Variants in PCDHA7 observed in about 807,000 individuals in gnomAD.
PCDHA7 encodes protocadherin alpha 7.
PCDHA7 carries 37 observed loss-of-function variants against 57.2 expected under a neutral mutation model. That is an observed-to-expected ratio of 0.65 (90% confidence interval 0.50 to 0.85). The LOEUF (loss-of-function observed/expected upper bound fraction) is 0.85, where lower values mean the gene tolerates loss of function less well. PCDHA7 is among the 40% of genes least tolerant of loss of function. The probability of loss-of-function intolerance (pLI) is 0.00; values close to 1 mark genes in which losing one functional copy is unlikely to be tolerated. For synonymous variants in PCDHA7, 553 were observed against 558.8 expected, an observed-to-expected ratio of 0.99 and a Z score of 0.15; for missense variants, 1,188 against 1,241.8, an observed-to-expected ratio of 0.96 and a Z score of 0.65.
At chr5:140,914,263 G>T (rs950921953) in intron 1 of PCDHA7, among the ~76,000 whole-genome samples, 2 of 151,932 alleles carry the variant, frequency 1.3e-5, no homozygotes, top group South Asian at 2.1e-4. Flanking sequence ...TTCAATGGTG[G>T]GTGCATATAT....
chr5:140,876,596 C>T (rs1361945795), intron 1 of PCDHA7: 1 of 1,614,040 alleles, frequency 6.2e-7, no homozygotes, highest in East Asian at 2.2e-5. Flanking sequence ...ATTAGCGTGT[C>T]GGATCGTGAC....
At chr5:140,877,304 T>C in intron 1 of PCDHA7, 3 of 1,613,926 alleles carry the variant, frequency 1.9e-6, no homozygotes, top group Non-Finnish European at 2.5e-6. Context: ...TCCTACGAGT[T>C]GCAACCGGCG....
At chr5:140,853,805 C>A in intron 1 of PCDHA7, 1 of 986,730 alleles carries the variant, frequency 1.0e-6, no homozygotes, top group Non-Finnish European at 1.2e-6. Flanking sequence ...TTTTAAAGCA[C>A]ACCTGAGATG....
intron 1 of PCDHA7, among the ~76,000 whole-genome samples, chr5:140,972,920 C>T (rs1343772789): frequency 6.6e-6 from 1 of 152,048 alleles, no homozygotes; most frequent in East Asian, 1.9e-4. Context: ...CCTTGGCCTC[C>T]CAAAGTGCTG....
chr5:140,876,802 G>C, intron 1 of PCDHA7: 2 of 1,614,248 alleles, frequency 1.2e-6, no homozygotes. Context: ...AGTGTCCGTG[G>C]AGGTGGCCGA....
At chr5:140,993,958 G>A (rs782075870) in intron 3 of PCDHA7, among the ~76,000 whole-genome samples, 1 of 152,162 alleles carries the variant, frequency 6.6e-6, no homozygotes, top group Non-Finnish European at 1.5e-5. Context: ...ATACATGACT[G>A]TAGTCATCAT....
chr5:140,973,755 G>A (rs1442337323), intron 1 of PCDHA7, among the ~76,000 whole-genome samples: 1 of 152,234 alleles, frequency 6.6e-6, no homozygotes, highest in Admixed American at 6.5e-5. Flanking sequence ...ACTCTGCAGG[G>A]ACACAGCCTG....
chr5:140,969,542 C>T, intron 1 of PCDHA7: 1 of 1,279,490 alleles, frequency 7.8e-7, no homozygotes, highest in South Asian at 1.6e-5. Flanking sequence ...TTTTCAGAGG[C>T]ATGAAGCCTT....
rs78042832 is a variant in PCDHA7, at chr5:140,978,370, A to G, written c.2356-579A>G. Among the ~76,000 whole-genome samples, 198 of 152,318 alleles carry G rather than the reference A, an allele frequency of 1.3e-3. 1 individual carries two copies. The East Asian group carries it at 0.027, about 21-fold the overall frequency. On this transcript the variant is annotated intron_variant, in intron 1 of 3. Transcript: ENST00000525929. ...TAGCAAAACAAGGTCAAACTCTGCA[A>G]TAGTTTGTTTTCCTCTCCCTAGTAT...
At chr5:140,998,522 A>G (rs2097818629) in intron 3 of PCDHA7, among the ~76,000 whole-genome samples, 1 of 151,980 alleles carries the variant, frequency 6.6e-6, no homozygotes, top group South Asian at 2.1e-4. Context: ...TATTATTCAT[A>G]TTTATATCCC....
chr5:140,875,783 T>C (rs782000038), intron 1 of PCDHA7: 4 of 1,614,050 alleles, frequency 2.5e-6, no homozygotes, highest in Non-Finnish European at 3.4e-6. Flanking sequence ...GAGTGCAGTA[T>C]CCACCTGGAG....
At chr5:140,891,136 G>A (rs541876133) in intron 1 of PCDHA7, among the ~76,000 whole-genome samples, 1 of 152,068 alleles carries the variant, frequency 6.6e-6, no homozygotes, top group Non-Finnish European at 1.5e-5. Context: ...TTCCTTTAAA[G>A]GTATTCTGTT....
rs2150242768 is a variant in PCDHA7, at chr5:140,835,709, C to T, written c.1326C>T (p.Ser442=). 29 of 1,613,350 alleles carry T rather than the reference C, an allele frequency of 1.8e-5. No individual in the cohort carries two copies. The highest frequency in any genetic ancestry group is 3.3e-4 in the Middle Eastern group (2 of 6,048). The change falls in exon 1 of 4, where the codon TCC becomes TCT. Residue 442 remains serine (S), a synonymous_variant. Coordinates refer to ENST00000525929, the MANE Select transcript of PCDHA7 (RefSeq NM_018910.3). ...CTCTGTGGGCCACTGCTAGCGTGTC[C>T]GTGGAGGTGGCCGACGTGAACGACA... ...SPSLWATASV[S]VEVADVNDNA...
At chr5:140,858,605 T>C (rs553423419) in intron 1 of PCDHA7, 1 of 1,265,752 alleles carries the variant, frequency 7.9e-7, no homozygotes, top group South Asian at 1.5e-5. Flanking sequence ...AGTTTTAAAA[T>C]TTTTTTATCC....
chr5:140,909,684 G>A (rs2074634664), intron 1 of PCDHA7, among the ~76,000 whole-genome samples: 1 of 152,220 alleles, frequency 6.6e-6, no homozygotes, highest in Non-Finnish European at 1.5e-5. Context: ...GGGAGCCAAT[G>A]TGGGGGTTCT....
Position 140,848,921 on chromosome 5 carries a change from C to T in PCDHA7, c.2355+12183C>T. ...CAGCGACACAAAAGAATCTGTTCAT[C>T]GCGGAATCCAGGCCGCTTGACTCTC... On this transcript the variant is annotated intron_variant, in intron 1 of 3. Transcript: ENST00000525929. 3.7e-6 allele frequency: 6 copies of T among 1,607,754 alleles called. 1 individual carries two copies. Among genetic ancestry groups the T allele is most frequent in the Non-Finnish European group, 2.5e-6 (3 of 1,176,916 alleles).
chr5:141,010,353 G>T lies in PCDHA7; in HGVS notation c.*416G>T. On this transcript the variant is annotated 3_prime_UTR_variant, in exon 4 of 4. Transcript: ENST00000525929. Reference sequence around the variant, plus strand: ...AGTTTGTGGCCACTGGGTATGTGTGGCTACCGCGGGTATGCGAGTGCCAGA... The same window carrying T: ...AGTTTGTGGCCACTGGGTATGTGTGTCTACCGCGGGTATGCGAGTGCCAGA... The T allele has an allele frequency of 6.6e-7, 1 of 1,507,486 alleles. No homozygotes were observed. Among genetic ancestry groups the T allele is most frequent in the Non-Finnish European group, 8.9e-7 (1 of 1,128,244 alleles). 93.4% of individuals were successfully genotyped at this position (1,507,486 alleles called of 1,614,324 possible).
At position 140,858,269 on chromosome 5, in the gene PCDHA7, A is replaced by T. The variant is rs367651349; in HGVS notation, c.2355+21531A>T. 8.2e-4 allele frequency: 1,313 copies of T among 1,596,554 alleles called. 103 individuals carry two copies. Among genetic ancestry groups the T allele is most frequent in the Non-Finnish European group, 9.6e-4 (1,118 of 1,166,912 alleles). On this transcript the variant is annotated intron_variant, in intron 1 of 3. Transcript: ENST00000525929. Reference sequence around the variant, plus strand: ...GGTGAAGCCCACGCTGGTGTGCTCTAGCGCGGTGGGGAGCTGGTCTTACTC... The same window carrying T: ...GGTGAAGCCCACGCTGGTGTGCTCTTGCGCGGTGGGGAGCTGGTCTTACTC...
chr5:140,858,354 C>A lies in PCDHA7; in HGVS notation c.2355+21616C>A, dbSNP rs782580844. On this transcript the variant is annotated intron_variant, in intron 1 of 3. Coordinates refer to ENST00000525929, the MANE Select transcript of PCDHA7 (RefSeq NM_018910.3). ...GGCCTGCCCAAGGCGGACCTCATGG[C>A]CTTCAGCCCCAGCCTTCCACCATGC... is the stretch of plus-strand genomic sequence containing the variant. 66 of 1,593,208 alleles carry A rather than the reference C, an allele frequency of 4.1e-5. 1 individual carries two copies. In the East Asian group the frequency reaches 1.4e-3, roughly 34 times the overall value.
Sources: allele counts gnomAD v4.1 joint callset (sites outside exome capture counted in the v4.1 genomes callset), GRCh38; gene constraint gnomAD v4.1.1; transcripts MANE v1.5; gene names NCBI Gene and HGNC (gene_info 2026-07-23, HGNC 2026-07-21).